Variants in CSMD1 observed in about 807,000 individuals in gnomAD.
CSMD1 encodes CUB and sushi domain-containing protein 1.
CSMD1 carries 213 observed loss-of-function variants against 417.5 expected under a neutral mutation model. The observed-to-expected ratio is 0.51, with a 90% CI of 0.46 to 0.57. CSMD1 has a LOEUF of 0.57. CSMD1 is among the 20% of genes least tolerant of loss of function. CSMD1 has a pLI of 0.00. For synonymous variants in CSMD1, 2,862 were observed against 1,736.8 expected (o/e 1.65, Z -16.11); for missense variants, 6,923 against 4,529.7 (o/e 1.53, Z -15.17).
rs144186833 is a variant in CSMD1 at position 3,657,832 on chromosome 8, C to G, written c.1010-41035G>C. ...CACATTCTGCACATGTACCCCAGAA[C>G]TTGAAGTATAATAATAATAAAAGAG... On this transcript the variant is annotated intron_variant, in intron 7 of 69. Coordinates refer to ENST00000635120, the MANE Select transcript of CSMD1 (RefSeq NM_033225.6). 3.7e-3 allele frequency among the ~76,000 whole-genome samples: 563 copies of G among 152,260 alleles called. 5 individuals carry two copies. Among genetic ancestry groups the G allele is most frequent in the African/African-American group, 0.013 (527 of 41,552 alleles).
At chr8:4,441,272 T>TG (rs1324243134) in intron 2 of CSMD1, among the ~76,000 whole-genome samples, 21 of 139,906 alleles carry the variant, frequency 1.5e-4, no homozygotes, top group Non-Finnish European at 2.8e-4. Context: ...TTTTTTTTTT[T>TG]TTTTTTTTTT....
At chr8:3,286,635 G>A (rs545999103) in intron 25 of CSMD1, among the ~76,000 whole-genome samples, 1 of 151,060 alleles carries the variant, frequency 6.6e-6, no homozygotes, top group Non-Finnish European at 1.5e-5. Flanking sequence ...CTTTTGAGAA[G>A]TGTCTGTTCA....
intron 7 of CSMD1, among the ~76,000 whole-genome samples, chr8:3,619,135 G>A (rs1429324817): frequency 6.8e-6 from 1 of 147,058 alleles, no homozygotes; most frequent in Non-Finnish European, 1.5e-5. Flanking sequence ...GTCCCAATGA[G>A]AAGATGAGGT....
At chr8:4,083,414 C>A (rs1056167193) in intron 3 of CSMD1, among the ~76,000 whole-genome samples, 1 of 151,814 alleles carries the variant, frequency 6.6e-6, no homozygotes, top group African/African-American at 2.4e-5. Flanking sequence ...AAATGTCTTC[C>A]GCATCACGCC....
At chr8:4,148,435 C>T (rs1384236088) in intron 3 of CSMD1, among the ~76,000 whole-genome samples, 1 of 151,978 alleles carries the variant, frequency 6.6e-6, no homozygotes, top group Non-Finnish European at 1.5e-5. Context: ...GAGTTAATTC[C>T]TGCAGCACAC....
At chr8:3,295,628 G>T (rs1355830190) in intron 25 of CSMD1, among the ~76,000 whole-genome samples, 1 of 152,182 alleles carries the variant, frequency 6.6e-6, no homozygotes, top group South Asian at 2.1e-4. Flanking sequence ...AGGCCAGCAT[G>T]ATAAAGCAGA....
At chr8:3,709,864 T>C (rs1265232712) in intron 6 of CSMD1, among the ~76,000 whole-genome samples, 1 of 150,980 alleles carries the variant, frequency 6.6e-6, no homozygotes, top group African/African-American at 2.4e-5. Flanking sequence ...TGTGTGTGTG[T>C]GTGTACACAT....
intron 3 of CSMD1, among the ~76,000 whole-genome samples, chr8:4,261,493 G>T (rs1803878269): frequency 6.6e-6 from 1 of 152,200 alleles, no homozygotes; most frequent in South Asian, 2.1e-4. Context: ...TGTACAGCAT[G>T]GTTACTTTAG....
intron 3 of CSMD1, among the ~76,000 whole-genome samples, chr8:4,245,816 A>G (rs1585089522): frequency 6.6e-6 from 1 of 152,176 alleles, no homozygotes. Flanking sequence ...AAAATTATTG[A>G]CAAGTGTGCA....
intron 1 of CSMD1, among the ~76,000 whole-genome samples, chr8:4,678,416 C>CA (rs201915913): frequency 0.04 from 6,003 of 149,152 alleles, 357 homozygotes; most frequent in African/African-American, 0.13. Flanking sequence ...GTCTCAACAA[C>CA]AAAAAAAAAG....
intron 50 of CSMD1, among the ~76,000 whole-genome samples, chr8:3,048,123 A>G (rs1041054697): frequency 1.3e-5 from 2 of 152,220 alleles, no homozygotes; most frequent in Non-Finnish European, 2.9e-5. Flanking sequence ...TTTTCAGGTA[A>G]AACAATTTCT....
At chr8:3,376,582 G>T (rs923370217) in intron 18 of CSMD1, among the ~76,000 whole-genome samples, 8 of 151,604 alleles carry the variant, frequency 5.3e-5, no homozygotes, top group African/African-American at 1.9e-4. Flanking sequence ...TTTTTTTGTT[G>T]TTAAAACTAT....
intron 1 of CSMD1, among the ~76,000 whole-genome samples, chr8:4,662,086 A>G (rs1585410848): frequency 6.6e-6 from 1 of 152,144 alleles, no homozygotes; most frequent in African/African-American, 2.4e-5. Context: ...AAAATTTGGG[A>G]CTAGAGAAAC....
At chr8:3,400,930 G>A (rs1812002220) in intron 15 of CSMD1, among the ~76,000 whole-genome samples, 4 of 128,752 alleles carry the variant, frequency 3.1e-5, no homozygotes, top group Non-Finnish European at 4.8e-5. Flanking sequence ...AAGAACACTT[G>A]ATTTTTTGTG....
At chr8:3,362,364 T>C (rs1177457013) in intron 20 of CSMD1, among the ~76,000 whole-genome samples, 1 of 152,212 alleles carries the variant, frequency 6.6e-6, no homozygotes, top group Non-Finnish European at 1.5e-5. Context: ...CCAAAGCCAC[T>C]GTGACCTCCG....
intron 6 of CSMD1, among the ~76,000 whole-genome samples, chr8:3,734,286 G>A (rs1439809132): frequency 1.3e-5 from 2 of 152,184 alleles, no homozygotes; most frequent in East Asian, 1.9e-4. Flanking sequence ...TCTCCCTAGT[G>A]CTTCCAGGCG....
At chr8:3,265,074 A>T (rs1258506861) in intron 26 of CSMD1, among the ~76,000 whole-genome samples, 1 of 152,216 alleles carries the variant, frequency 6.6e-6, no homozygotes, top group Admixed American at 6.5e-5. Flanking sequence ...ATTCAACACA[A>T]ATCTGTTGAA....
intron 3 of CSMD1, among the ~76,000 whole-genome samples, chr8:4,380,758 G>A (rs1803051357): frequency 6.6e-6 from 1 of 152,038 alleles, no homozygotes; most frequent in Non-Finnish European, 1.5e-5. Flanking sequence ...CGACTTCTCT[G>A]TAAAAGTGCT....
intron 2 of CSMD1, among the ~76,000 whole-genome samples, chr8:4,514,432 C>G (rs1563247172): frequency 6.6e-6 from 1 of 152,132 alleles, no homozygotes; most frequent in Non-Finnish European, 1.5e-5. Context: ...CTGAATGCCA[C>G]AGGAAAAGCC....
Sources: allele counts gnomAD v4.1 joint callset (sites outside exome capture counted in the v4.1 genomes callset), GRCh38; gene constraint gnomAD v4.1.1; transcripts MANE v1.5; gene names NCBI Gene and HGNC (gene_info 2026-07-23, HGNC 2026-07-21).